BMP5: variants seen among roughly 807,000 people sequenced by gnomAD.
BMP5 encodes the protein bone morphogenetic protein 5.
BMP5 carries 23 observed loss-of-function variants against 46.6 expected under a neutral mutation model. That is an observed-to-expected ratio of 0.49 (90% CI 0.35 to 0.70). The LOEUF is 0.70. BMP5 is among the 30% of genes least tolerant of loss of function. BMP5 has a pLI of 0.00. For synonymous variants in BMP5, 204 were observed against 191.9 expected, an observed-to-expected ratio of 1.06 and a Z score of -0.52; for missense variants, 545 against 565.6, an observed-to-expected ratio of 0.96 and a Z score of 0.37.
At position 55,755,656 on chromosome 6, in the gene BMP5, T is replaced by C; in HGVS notation, c.1242A>G (p.Val414=). ...TGGTTGGAGCACAACAAGGCTTTGG[T>C]ACGTGGTCAGGAAACATCAGATGAA... ...TLVHLMFPDH[V]PKPCCAPTKL... is the part of the protein sequence containing the mutation. The change falls in exon 7 of 7, where the codon GTA becomes GTG. Residue 414 remains valine (V), a synonymous_variant. Coordinates refer to ENST00000370830, the MANE Select transcript of BMP5 (RefSeq NM_021073.4). 1 of 1,612,430 alleles carries C rather than the reference T, an allele frequency of 6.2e-7. No individual in the cohort carries two copies. Among genetic ancestry groups the C allele is most frequent in the Non-Finnish European group, 8.5e-7 (1 of 1,178,884 alleles).
chr6:55,835,872 G>A (rs1776782013), intron 1 of BMP5, among the ~76,000 whole-genome samples: 1 of 152,176 alleles, frequency 6.6e-6, no homozygotes, highest in South Asian at 2.1e-4. Flanking sequence ...CAATTTAAAT[G>A]TGAAACTAAA....
chr6:55,772,204 A>C (rs1277168706), intron 4 of BMP5, among the ~76,000 whole-genome samples: 2 of 151,964 alleles, frequency 1.3e-5, no homozygotes, highest in African/African-American at 4.8e-5. Flanking sequence ...TGGTGTTAGG[A>C]AACTGGTGAA....
chr6:55,862,169 T>A (rs1777540142), intron 1 of BMP5, among the ~76,000 whole-genome samples: 1 of 152,190 alleles, frequency 6.6e-6, no homozygotes, highest in Non-Finnish European at 1.5e-5. Flanking sequence ...AATTGATAGG[T>A]GAACGCTAAC....
intron 1 of BMP5, among the ~76,000 whole-genome samples, chr6:55,829,823 A>T (rs1050733138): frequency 1.3e-5 from 2 of 152,020 alleles, no homozygotes; most frequent in Admixed American, 6.6e-5. Flanking sequence ...ACATAATATG[A>T]TAATTTCTAT....
intron 3 of BMP5, 114 bp downstream of exon 3, chr6:55,794,165 G>T: frequency 1.7e-6 from 2 of 1,151,714 alleles, no homozygotes; most frequent in South Asian, 1.4e-5. Context: ...TATAGAATGC[G>T]TTGACTTGGA....
rs901463899 is a variant in BMP5, at chr6:55,817,706, G to A, written c.683+1949C>T. On this transcript the variant is annotated intron_variant, in intron 2 of 6. Coordinates refer to ENST00000370830, the MANE Select transcript of BMP5 (RefSeq NM_021073.4). ...CATGGCACATGTATACATATGTAACGAACCTGCACATTGTGCATATGTACC... is the reference window on the plus strand; with the variant it reads ...CATGGCACATGTATACATATGTAACAAACCTGCACATTGTGCATATGTACC... Among the ~76,000 whole-genome samples the A allele has an allele frequency of 3.3e-5, 5 of 151,750 alleles. No homozygotes were observed. In the South Asian group the frequency reaches 1.0e-3, roughly 32 times the overall value.
At chr6:55,801,495 G>A (rs1348979917) in intron 2 of BMP5, among the ~76,000 whole-genome samples, 1 of 152,230 alleles carries the variant, frequency 6.6e-6, no homozygotes, top group Non-Finnish European at 1.5e-5. Flanking sequence ...CACAGGTTCT[G>A]TTTTGTCCTT....
intron 5 of BMP5, among the ~76,000 whole-genome samples, chr6:55,760,193 C>G (rs903280162): frequency 2.0e-5 from 3 of 151,940 alleles, no homozygotes; most frequent in Non-Finnish European, 4.4e-5. Context: ...TAAACAACGG[C>G]ACTCTTTTTT....
intron 1 of BMP5, among the ~76,000 whole-genome samples, chr6:55,873,525 T>C (rs957790195): frequency 2.6e-5 from 4 of 151,948 alleles, no homozygotes; most frequent in African/African-American, 4.8e-5. Context: ...CATAATATTA[T>C]TGTGAGAGGG....
chr6:55,779,730 A>G (rs1215322902), intron 3 of BMP5, among the ~76,000 whole-genome samples: 3 of 152,162 alleles, frequency 2.0e-5, no homozygotes, highest in Non-Finnish European at 2.9e-5. Flanking sequence ...TTATACTTTG[A>G]TGAAAAATTT....
chr6:55,862,499 T>C (rs1326042694), intron 1 of BMP5, among the ~76,000 whole-genome samples: 2 of 152,202 alleles, frequency 1.3e-5, no homozygotes, highest in Non-Finnish European at 2.9e-5. Context: ...TACAGTCTTG[T>C]TAGCAGTAAA....
At chr6:55,774,892 A>G (rs1775136788) in intron 3 of BMP5, among the ~76,000 whole-genome samples, 1 of 151,994 alleles carries the variant, frequency 6.6e-6, no homozygotes, top group African/African-American at 2.4e-5. Context: ...CCTGATAATT[A>G]TCAATATGAA....
At chr6:55,817,182 G>T (rs1027699101) in intron 2 of BMP5, among the ~76,000 whole-genome samples, 1 of 152,186 alleles carries the variant, frequency 6.6e-6, no homozygotes, top group East Asian at 1.9e-4. Context: ...CATTGTGGAA[G>T]ATACTGTGGC....
intron 2 of BMP5, among the ~76,000 whole-genome samples, chr6:55,801,403 C>A (rs866019453): frequency 6.6e-6 from 1 of 152,140 alleles, no homozygotes; most frequent in Non-Finnish European, 1.5e-5. Flanking sequence ...AAGGACTTGG[C>A]GGCTAGAAAG....
At chr6:55,801,679 T>C (rs746243607) in intron 2 of BMP5, among the ~76,000 whole-genome samples, 2 of 152,200 alleles carry the variant, frequency 1.3e-5, no homozygotes, top group African/African-American at 2.4e-5. Flanking sequence ...TCCACTTTGC[T>C]CTTGGCTAAT....
chr6:55,818,196 A>C (rs573514757), intron 2 of BMP5, among the ~76,000 whole-genome samples: 1 of 151,572 alleles, frequency 6.6e-6, no homozygotes, highest in East Asian at 1.9e-4. Flanking sequence ...ACTTTAGATG[A>C]CATGTATACA....
intron 4 of BMP5, 74 bp from the exon 5 acceptor site, chr6:55,760,607 G>C: frequency 7.5e-7 from 1 of 1,339,216 alleles, no homozygotes; most frequent in Non-Finnish European, 1.1e-6. Context: ...GAGATCACTG[G>C]TAAGATTTTT....
intron 4 of BMP5, among the ~76,000 whole-genome samples, chr6:55,771,636 G>T (rs1775049088): frequency 6.6e-6 from 1 of 151,864 alleles, no homozygotes; most frequent in Non-Finnish European, 1.5e-5. Context: ...TCAGAAGGAA[G>T]AATCGTTGAA....
intron 1 of BMP5, among the ~76,000 whole-genome samples, chr6:55,870,325 G>A (rs946145252): frequency 6.6e-6 from 1 of 151,996 alleles, no homozygotes; most frequent in Admixed American, 6.6e-5. Context: ...AATCCCGTTG[G>A]TCGTGATTAT....
Sources: allele counts gnomAD v4.1 joint callset (sites outside exome capture counted in the v4.1 genomes callset), GRCh38; gene constraint gnomAD v4.1.1; transcripts MANE v1.5; gene names NCBI Gene and HGNC (gene_info 2026-07-23, HGNC 2026-07-21).